Variants in CPS1 observed in about 807,000 individuals in gnomAD.
CPS1 encodes the protein carbamoyl-phosphate synthase [ammonia], mitochondrial.
Under a neutral mutation model 174.6 loss-of-function variants are expected in CPS1, and 109 were observed. The observed-to-expected ratio is 0.62, with a 90% confidence interval of 0.53 to 0.73. CPS1 has a LOEUF of 0.73. CPS1 is among the 30% of genes least tolerant of loss of function. CPS1 has a pLI of 0.00. For synonymous variants in CPS1, 637 were observed against 632.0 expected, an observed-to-expected ratio of 1.01 and a Z score of -0.12; for missense variants, 1,689 against 1,821.9, an observed-to-expected ratio of 0.93 and a Z score of 1.33.
chr2:210,597,823 C>CATATATATATATATATATATAT (rs1169393511), intron 13 of CPS1, among the ~76,000 whole-genome samples: 4 of 148,432 alleles, frequency 2.7e-5, no homozygotes, highest in Middle Eastern at 3.7e-3. Context: ...TGAATACCTT[C>CATATATATATATATATATATAT]ATATATATAC....
chr2:210,666,170 GTTGT>G (rs1298212434), intron 33 of CPS1, among the ~76,000 whole-genome samples: 7 of 151,834 alleles, frequency 4.6e-5, no homozygotes, highest in East Asian at 1.9e-4. Context: ...TTTTGATGGG[GTTGT>G]TTGTTTTTTT....
At chr2:210,592,792 G>C (rs1698351036) in intron 10 of CPS1, 87 bp from the exon 11 acceptor site, 4 of 1,315,476 alleles carry the variant, frequency 3.0e-6, no homozygotes, top group Middle Eastern at 1.8e-4. Context: ...TTTTAAATTT[G>C]AGCTTTATTG....
At chr2:210,673,553 T>A (rs1701392903) in intron 34 of CPS1, 1 of 152,176 alleles carries the variant, frequency 6.6e-6, no homozygotes, top group African/African-American at 2.4e-5. Flanking sequence ...GAAATGCGTA[T>A]AAATGAGGGG....
chr2:210,545,611 T>C (rs1410824016), intron 1 of CPS1, among the ~76,000 whole-genome samples: 1 of 152,114 alleles, frequency 6.6e-6, no homozygotes, highest in Admixed American at 6.6e-5. Flanking sequence ...TTTTGAGATA[T>C]ATTTTATCAT....
At position 210,662,030 on chromosome 2, in the gene CPS1, A is replaced by G. The variant is rs544162526; in HGVS notation, c.3928-1093A>G. 2.3e-3 allele frequency among the ~76,000 whole-genome samples: 318 copies of G among 136,144 alleles called. 2 individuals are homozygous for G. Among genetic ancestry groups the G allele is most frequent in the Middle Eastern group, 8.8e-3 (2 of 228 alleles). 89.3% of individuals were successfully genotyped at this position (136,144 alleles called of 152,430 possible). On this transcript the variant is annotated intron_variant, in intron 32 of 37. Transcript: ENST00000233072. The stretch of plus-strand genomic sequence containing the variant: ...AAGCAATTCTCCCCCTCAGCCCCCC[A>G]AGTAGCCCCCAGGTAGCTGGGATTA...
intron 15 of CPS1, 151 bp from the exon 16 acceptor site, chr2:210,602,051 T>A: frequency 1.1e-6 from 1 of 877,596 alleles, no homozygotes; most frequent in Non-Finnish European, 1.8e-6. Flanking sequence ...CAACACTTGC[T>A]TTTCAGAATG....
At chr2:210,582,884 G>T (rs2106093027) in intron 6 of CPS1, among the ~76,000 whole-genome samples, 175 bp downstream of exon 6, 1 of 152,186 alleles carries the variant, frequency 6.6e-6, no homozygotes. Context: ...ATTTAAAGCT[G>T]GTTTTACTTA....
rs116327764 is a variant in CPS1, at chr2:210,491,859, G to T, written c.3+14093G>T. Among the ~76,000 whole-genome samples the T allele has an allele frequency of 2.4e-3, 361 of 152,262 alleles. 1 individual carries two copies. Among genetic ancestry groups the T allele is most frequent in the African/African-American group, 8.2e-3 (342 of 41,540 alleles). On this transcript the variant is annotated intron_variant, in intron 1 of 38. Transcript: ENST00000430249. ...CTTCCCTTCATTCTGTTAACCTGAGGAATAGTCATATCATTCTGCTCTCTC... is the reference window on the plus strand; with the variant it reads ...CTTCCCTTCATTCTGTTAACCTGAGTAATAGTCATATCATTCTGCTCTCTC...
Position 210,660,557 on chromosome 2 carries a change from G to C in CPS1, c.3829G>C (p.Asp1277His). The change falls in exon 32 of 38, where the codon GAT becomes CAT. Residue 1277 changes from aspartate (D) to histidine (H), a missense_variant. Coordinates refer to ENST00000233072, the MANE Select transcript of CPS1 (RefSeq NM_001875.5). ...VSKTLGVDFI[D>H]VATKVMIGEN... The stretch of plus-strand genomic sequence containing the variant: ...CAAGACTCTTGGGGTTGACTTCATT[G>C]ATGTGGCCACCAAGGTGATGATTGG... The C allele has an allele frequency of 3.7e-6, 6 of 1,614,128 alleles. No homozygotes were observed. Among genetic ancestry groups the C allele is most frequent in the Non-Finnish European group, 5.1e-6 (6 of 1,179,994 alleles).
intron 25 of CPS1, among the ~76,000 whole-genome samples, chr2:210,643,509 G>A (rs1375952966): frequency 6.6e-6 from 1 of 152,016 alleles, no homozygotes; most frequent in Non-Finnish European, 1.5e-5. Flanking sequence ...CAACCTCATT[G>A]ATTTCTTTAA....
chr2:210,569,159 T>C (rs879299881), intron 1 of CPS1, among the ~76,000 whole-genome samples: 9 of 152,116 alleles, frequency 5.9e-5, no homozygotes, highest in Admixed American at 5.3e-4. Context: ...CCCAATACTC[T>C]GCCTGCATGA....
In CPS1 at chr2:210,556,699, G is replaced by C. The variant is rs775445305; in HGVS notation, c.-35G>C. ...TATCACACAATCTCATAAAATTTAT[G>C]TAATTTCATTTAATTTTAGCCACAA... On this transcript the variant is annotated 5_prime_UTR_variant, in exon 1 of 38. It removes an upstream start codon present in the reference 5' UTR. Coordinates refer to ENST00000233072, the MANE Select transcript of CPS1 (RefSeq NM_001875.5). 7.5e-6 allele frequency: 12 copies of C among 1,606,798 alleles called. No homozygotes were observed. Among genetic ancestry groups the C allele is most frequent in the Non-Finnish European group, 1.0e-5 (12 of 1,177,404 alleles).
chr2:210,541,536 C>T (rs528216974), intron 1 of CPS1, among the ~76,000 whole-genome samples: 5 of 152,218 alleles, frequency 3.3e-5, no homozygotes, highest in Admixed American at 6.5e-5. Flanking sequence ...GCTTTTACCC[C>T]TCTTATGTAG....
chr2:210,592,537 C>T (rs10184633), intron 10 of CPS1, among the ~76,000 whole-genome samples: 88,279 of 151,666 alleles, frequency 0.58, 25,983 homozygotes, highest in African/African-American at 0.66. Context: ...AAAGTAATTT[C>T]GGACTTGGGG....
chr2:210,609,250 G>GA (rs1699027792), intron 19 of CPS1, among the ~76,000 whole-genome samples: 1 of 151,908 alleles, frequency 6.6e-6, no homozygotes, highest in African/African-American at 2.4e-5. Context: ...TGTGTGAGAG[G>GA]AAAGAAAGGA....
chr2:210,546,965 C>G (rs528031184), intron 1 of CPS1, among the ~76,000 whole-genome samples: 1 of 152,218 alleles, frequency 6.6e-6, no homozygotes, highest in Non-Finnish European at 1.5e-5. Context: ...CTTTGGACTC[C>G]AGCCAGCTGC....
intron 1 of CPS1, among the ~76,000 whole-genome samples, chr2:210,533,426 A>G (rs1696166914): frequency 6.6e-6 from 1 of 152,198 alleles, no homozygotes; most frequent in Non-Finnish European, 1.5e-5. Flanking sequence ...GACACAGATA[A>G]TATCATTATT....
chr2:210,599,695 G>A, intron 14 of CPS1, 134 bp downstream of exon 14: 1 of 892,456 alleles, frequency 1.1e-6, no homozygotes, highest in Non-Finnish European at 1.8e-6. Flanking sequence ...AAAGCAGTTA[G>A]CAAACAGCCA....
rs747550859 is a variant in CPS1, at chr2:210,606,739, G to A, written c.1990G>A (p.Val664Ile). 1.2e-6 allele frequency: 2 copies of A among 1,612,422 alleles called. No individual in the cohort carries two copies. The highest frequency in any genetic ancestry group is 2.2e-5 in the South Asian group (2 of 91,058). ...GCTTCTTGGATATATAGGTGACTCA[G>A]TTGTTGTGGCTCCTGCCCAGACACT... is the stretch of plus-strand genomic sequence containing the variant. ...DAMGVHTGDS[V>I]VVAPAQTLSN... Residue 664 changes from valine to isoleucine, a missense_variant, in exon 18 of 38, where the codon GTT becomes ATT. Coordinates refer to ENST00000233072, the MANE Select transcript of CPS1 (RefSeq NM_001875.5).
Sources: allele counts gnomAD v4.1 joint callset (sites outside exome capture counted in the v4.1 genomes callset), GRCh38; gene constraint gnomAD v4.1.1; transcripts MANE v1.5; gene names NCBI Gene and HGNC (gene_info 2026-07-23, HGNC 2026-07-21).